LNX1: variants seen among roughly 807,000 people sequenced by gnomAD.
LNX1 encodes ligand of numb-protein X 1, also known as E3 ubiquitin-protein ligase LNX.
Under a neutral mutation model 68.4 loss-of-function variants are expected in LNX1, and 54 were observed. The ratio of observed to expected loss-of-function variants is 0.79; its 90% CI spans 0.63 to 0.99. The LOEUF (loss-of-function observed/expected upper bound fraction) is 0.99, where lower values mean the gene tolerates loss of function less well. LNX1 is among the 50% of genes least tolerant of loss of function. The probability of loss-of-function intolerance (pLI) is 0.00; values close to 1 mark genes in which losing one functional copy is unlikely to be tolerated. For missense variants in LNX1, 906 were observed against 926.4 expected, an observed-to-expected ratio of 0.98 and a Z score of 0.29; for synonymous variants, 336 against 350.0, an observed-to-expected ratio of 0.96 and a Z score of 0.45.
intron 2 of LNX1, among the ~76,000 whole-genome samples, chr4:53,602,052 G>C (rs1297003549): frequency 6.6e-6 from 1 of 152,074 alleles, no homozygotes; most frequent in African/African-American, 2.4e-5. Context: ...ATCAAAAATG[G>C]CTTCTTGTCA....
chr4:53,634,811 T>G (rs1734406459), intron 1 of LNX1, among the ~76,000 whole-genome samples: 1 of 149,274 alleles, frequency 6.7e-6, no homozygotes. Flanking sequence ...GCCCTCTCTG[T>G]TTTTTTTTCT....
intron 1 of LNX1, among the ~76,000 whole-genome samples, chr4:53,650,344 G>A (rs1453411912): frequency 6.6e-6 from 1 of 152,202 alleles, no homozygotes; most frequent in Non-Finnish European, 1.5e-5. Flanking sequence ...CAAAGTGTCA[G>A]GGCCTAAGCA....
At chr4:53,612,809 C>T (rs570814941) in intron 2 of LNX1, among the ~76,000 whole-genome samples, 2 of 151,464 alleles carry the variant, frequency 1.3e-5, no homozygotes, top group South Asian at 4.2e-4. Flanking sequence ...TGCCTGAGTC[C>T]AGGAGTTTGA....
intron 2 of LNX1, among the ~76,000 whole-genome samples, chr4:53,530,990 C>A (rs1439861083): frequency 3.3e-5 from 5 of 152,094 alleles, no homozygotes; most frequent in African/African-American, 1.2e-4. Flanking sequence ...CATGGTAAAA[C>A]CCCGACTCCA....
intron 2 of LNX1, among the ~76,000 whole-genome samples, chr4:53,560,458 T>C (rs1730207447): frequency 6.6e-6 from 1 of 152,210 alleles, no homozygotes. Context: ...TTCTTCCTTA[T>C]AACAGAACCC....
chr4:53,542,190 T>C (rs1728808866), intron 2 of LNX1, among the ~76,000 whole-genome samples: 2 of 151,946 alleles, frequency 1.3e-5, no homozygotes, highest in African/African-American at 4.8e-5. Flanking sequence ...GCTTGAAAAA[T>C]TGGGAATAAC....
chr4:53,601,549 C>T (rs566706513), intron 2 of LNX1, among the ~76,000 whole-genome samples: 29 of 152,300 alleles, frequency 1.9e-4, no homozygotes, highest in Admixed American at 3.9e-4. Context: ...CCCATAAACT[C>T]GCAGCAGCTG....
chr4:53,561,713 C>G (rs1050827487), intron 2 of LNX1, among the ~76,000 whole-genome samples: 1 of 152,150 alleles, frequency 6.6e-6, no homozygotes, highest in Non-Finnish European at 1.5e-5. Flanking sequence ...AGCCTTCAGC[C>G]ACGTATGTCT....
At chr4:53,471,476 C>T (rs1240002116) in intron 9 of LNX1, among the ~76,000 whole-genome samples, 1 of 152,036 alleles carries the variant, frequency 6.6e-6, no homozygotes, top group East Asian at 1.9e-4. Flanking sequence ...GCAACAAAAG[C>T]CAAAATTGAC....
At chr4:53,465,390 C>T (rs1722600355) in intron 9 of LNX1, among the ~76,000 whole-genome samples, 1 of 152,176 alleles carries the variant, frequency 6.6e-6, no homozygotes, top group African/African-American at 2.4e-5. Flanking sequence ...GTATCTAATG[C>T]ACTAGCCTTT....
chr4:53,605,098 T>C (rs1274335989), intron 2 of LNX1, among the ~76,000 whole-genome samples: 2 of 152,088 alleles, frequency 1.3e-5, no homozygotes, highest in Non-Finnish European at 2.9e-5. Context: ...ACTTCTCCCA[T>C]GTTCTCGTGG....
intron 3 of LNX1, among the ~76,000 whole-genome samples, chr4:53,507,740 C>A (rs890923241): frequency 2.0e-5 from 3 of 152,182 alleles, no homozygotes; most frequent in Non-Finnish European, 4.4e-5. Flanking sequence ...ACTGACACTG[C>A]AGGAGTGATG....
intron 1 of LNX1, among the ~76,000 whole-genome samples, chr4:53,576,900 T>C (rs1450668647): frequency 1.3e-5 from 2 of 152,250 alleles, no homozygotes; most frequent in Non-Finnish European, 2.9e-5. Context: ...CAGGCTTTCA[T>C]TGAGTCAGCT....
At chr4:53,646,246 A>G (rs1221181115) in intron 1 of LNX1, among the ~76,000 whole-genome samples, 1 of 152,264 alleles carries the variant, frequency 6.6e-6, no homozygotes, top group African/African-American at 2.4e-5. Flanking sequence ...GATGCCTCCA[A>G]TTGCCAGGCA....
In LNX1 at chr4:53,478,692, T is replaced by G. The variant is rs1293256253; in HGVS notation, c.1536A>C (p.Lys512Asn). 1 of 1,613,898 alleles carries G rather than the reference T, an allele frequency of 6.2e-7. No homozygotes were observed. The highest frequency in any genetic ancestry group is 1.3e-5 in the African/African-American group (1 of 74,932). Residue 512 changes from lysine to asparagine, a missense_variant, in exon 8 of 11, where the codon AAA (lysine) becomes AAC (asparagine). By Grantham distance (94) the Lys-to-Asn change is moderately conservative (BLOSUM62 0). Coordinates refer to ENST00000263925, the MANE Select transcript of LNX1 (RefSeq NM_001126328.3). The stretch of plus-strand genomic sequence containing the variant: ...TCATGCCGAGAGATTCACCGGGGTC[T>G]TTTTGGATATTTACCACCTTCTCAT... Reference protein sequence around the residue: ...TCHEKVVNIQKDPGESLGMTV... With the variant: ...TCHEKVVNIQNDPGESLGMTV...
intron 1 of LNX1, among the ~76,000 whole-genome samples, chr4:53,649,636 T>G (rs530520221): frequency 6.6e-6 from 1 of 152,320 alleles, no homozygotes; most frequent in African/African-American, 2.4e-5. Flanking sequence ...TCATCCTTCC[T>G]GCACACCACT....
At chr4:53,480,163 G>A (rs1456194815) in intron 7 of LNX1, among the ~76,000 whole-genome samples, 1 of 152,182 alleles carries the variant, frequency 6.6e-6, no homozygotes, top group South Asian at 2.1e-4. Context: ...AATAATCAAA[G>A]AGCCATATAT....
At chr4:53,508,742 T>C (rs1726106668) in intron 2 of LNX1, among the ~76,000 whole-genome samples, 1 of 152,200 alleles carries the variant, frequency 6.6e-6, no homozygotes, top group Admixed American at 6.5e-5. Flanking sequence ...AGTTCAGCAT[T>C]GCTATCCTCT....
chr4:53,595,581 C>A (rs1367644613), upstream of LNX1, among the ~76,000 whole-genome samples: 1 of 152,158 alleles, frequency 6.6e-6, no homozygotes, highest in African/African-American at 2.4e-5. Flanking sequence ...ATCCTGGAAA[C>A]TTTGTTCTTT....
Sources: allele counts gnomAD v4.1 joint callset (sites outside exome capture counted in the v4.1 genomes callset), GRCh38; gene constraint gnomAD v4.1.1; transcripts MANE v1.5; gene names NCBI Gene and HGNC (gene_info 2026-07-23, HGNC 2026-07-21).